TNNI3K: variants seen among roughly 807,000 people sequenced by gnomAD.
TNNI3K encodes serine/threonine-protein kinase TNNI3K.
In TNNI3K, 140 loss-of-function variants were observed where a neutral mutation model predicts 114.5. The ratio of observed to expected loss-of-function variants is 1.22; its 90% confidence interval spans 1.07 to 1.41. The LOEUF is 1.41. Among genes scored for constraint, TNNI3K ranks in the 40% most tolerant of loss-of-function variants. The probability of loss-of-function intolerance (pLI) is 0.00; values close to 1 mark genes in which losing one functional copy is unlikely to be tolerated. For missense variants in TNNI3K, 1,125 were observed against 1,007.6 expected, an observed-to-expected ratio of 1.12 and a Z score of -1.58; for synonymous variants, 347 against 347.5, an observed-to-expected ratio of 1.00 and a Z score of 0.02.
Position 74,250,709 on chromosome 1 carries a change from G to T in TNNI3K, c.273G>T (p.Gly91=), listed in dbSNP as rs201919149. The part of the protein sequence containing the change: ...KSHIRTLMLK[G]LRPSRLTRNG... Reference sequence around the variant, plus strand: ...ATATTCGAACTCTTATGTTGAAAGGGCTCCGCCCATCTCGACTGACAAGAA... The same window carrying T: ...ATATTCGAACTCTTATGTTGAAAGGTCTCCGCCCATCTCGACTGACAAGAA... The change falls in exon 4 of 25, where the codon GGG becomes GGT. Residue 91 remains glycine, a synonymous_variant. Transcript: ENST00000326637. 6.2e-7 allele frequency: 1 copy of T among 1,613,110 alleles called. No individual in the cohort carries two copies. Among genetic ancestry groups the T allele is most frequent in the South Asian group, 1.1e-5 (1 of 90,884 alleles).
chr1:74,418,158 T>C (rs1247114896), intron 17 of TNNI3K: 2 of 452,946 alleles, frequency 4.4e-6, no homozygotes, highest in Non-Finnish European at 8.9e-6. Context: ...CTTTTCACCC[T>C]CTCCTATAGG....
chr1:74,518,563 T>C (rs1570732535), intron 23 of TNNI3K, among the ~76,000 whole-genome samples: 1 of 152,278 alleles, frequency 6.6e-6, no homozygotes, highest in East Asian at 1.9e-4. Flanking sequence ...TCTCAGTGGA[T>C]TCTACTAATC....
At chr1:74,336,511 C>G (rs1466936771) in intron 7 of TNNI3K, among the ~76,000 whole-genome samples, 1 of 138,516 alleles carries the variant, frequency 7.2e-6, no homozygotes, top group Non-Finnish European at 1.6e-5. Flanking sequence ...TCCCCCCATG[C>G]CACAACAGTC....
chr1:74,468,733 T>C (rs1286642144), intron 21 of TNNI3K, among the ~76,000 whole-genome samples: 1 of 152,166 alleles, frequency 6.6e-6, no homozygotes, highest in Non-Finnish European at 1.5e-5. Context: ...TGTATAGACC[T>C]AGACAGGTGT....
intron 9 of TNNI3K, among the ~76,000 whole-genome samples, chr1:74,348,592 A>G (rs1661151792): frequency 6.6e-6 from 1 of 152,174 alleles, no homozygotes; most frequent in Non-Finnish European, 1.5e-5. Context: ...CTTGGGCAGT[A>G]TGGCCATTTT....
At chr1:74,419,676 A>G (rs1041100007) in intron 17 of TNNI3K, among the ~76,000 whole-genome samples, 1 of 152,136 alleles carries the variant, frequency 6.6e-6, no homozygotes, top group Non-Finnish European at 1.5e-5. Flanking sequence ...TATTCAGCAT[A>G]TATATGAAAT....
intron 9 of TNNI3K, among the ~76,000 whole-genome samples, chr1:74,352,444 A>C (rs1254583745): frequency 6.7e-6 from 1 of 149,814 alleles, no homozygotes; most frequent in Non-Finnish European, 1.5e-5. Context: ...CAGTCTGCCC[A>C]TTCTCAGATC....
chr1:74,489,817 T>C (rs1268438907), intron 22 of TNNI3K, among the ~76,000 whole-genome samples: 8 of 152,126 alleles, frequency 5.3e-5, no homozygotes. Context: ...GGTCAAGAGA[T>C]AGCATTTCAA....
chr1:74,383,699 G>T (rs865869108), intron 17 of TNNI3K, among the ~76,000 whole-genome samples: 1 of 151,910 alleles, frequency 6.6e-6, no homozygotes, highest in African/African-American at 2.4e-5. Context: ...AATGACTGGG[G>T]CCTAATAAAA....
At chr1:74,347,997 T>C (rs1210139260) in intron 9 of TNNI3K, among the ~76,000 whole-genome samples, 1 of 152,232 alleles carries the variant, frequency 6.6e-6, no homozygotes, top group African/African-American at 2.4e-5. Flanking sequence ...AGTTCTTTAG[T>C]TTAATTAGAT....
At chr1:74,386,260 A>G (rs1168379549) in intron 17 of TNNI3K, among the ~76,000 whole-genome samples, 3 of 152,136 alleles carry the variant, frequency 2.0e-5, no homozygotes, top group African/African-American at 4.8e-5. Context: ...CTAATACATC[A>G]TCAAACAACT....
At chr1:74,417,682 TTGTGTGTGTGTGTGTGTGTGTGTGTG>T (rs10529693) in intron 17 of TNNI3K, among the ~76,000 whole-genome samples, 2 of 137,022 alleles carry the variant, frequency 1.5e-5, no homozygotes, top group South Asian at 2.4e-4. Flanking sequence ...GTGTACGTGT[TTGTGTGTGTGTGTGTGTGTGTGTGTG>T]TGTGTGTGTG....
At chr1:74,477,769 T>C (rs1447085151) in intron 21 of TNNI3K, among the ~76,000 whole-genome samples, 1 of 152,212 alleles carries the variant, frequency 6.6e-6, no homozygotes, top group Non-Finnish European at 1.5e-5. Flanking sequence ...ATGAAGCTTG[T>C]AGGCAGGCGG....
At chr1:74,242,010 T>G (rs112558167) in intron 2 of TNNI3K, among the ~76,000 whole-genome samples, 9 of 151,952 alleles carry the variant, frequency 5.9e-5, no homozygotes, top group African/African-American at 2.2e-4. Context: ...CCACCACACC[T>G]GGCTAATTTT....
At chr1:74,526,639 G>A (rs959343568) in intron 23 of TNNI3K, among the ~76,000 whole-genome samples, 2 of 152,096 alleles carry the variant, frequency 1.3e-5, no homozygotes, top group East Asian at 3.9e-4. Context: ...AATATAAATT[G>A]GATATTTTTT....
chr1:74,326,836 A>G (rs1488799427), intron 5 of TNNI3K, among the ~76,000 whole-genome samples: 1 of 152,172 alleles, frequency 6.6e-6, no homozygotes, highest in African/African-American at 2.4e-5. Flanking sequence ...CATGCCTGTA[A>G]TCCCAGTACT....
chr1:74,443,539 C>T (rs375549308), intron 20 of TNNI3K, among the ~76,000 whole-genome samples: 4 of 151,910 alleles, frequency 2.6e-5, no homozygotes, highest in African/African-American at 9.7e-5. Flanking sequence ...CAAAAAAAAG[C>T]CCAGGACCAG....
intron 21 of TNNI3K, among the ~76,000 whole-genome samples, chr1:74,466,689 A>G (rs1315321763): frequency 6.6e-6 from 1 of 152,174 alleles, no homozygotes; most frequent in African/African-American, 2.4e-5. Context: ...AGGATAATGA[A>G]GTTGAGCTGC....
chr1:74,475,148 A>C (rs1458569479), intron 21 of TNNI3K: 4 of 549,096 alleles, frequency 7.3e-6, no homozygotes, highest in Non-Finnish European at 9.6e-6. Flanking sequence ...ACACACACAC[A>C]CACACACACA....
Sources: gnomAD v4.1 joint callset for allele counts (sites outside exome capture counted in the v4.1 genomes callset) on GRCh38, gnomAD v4.1.1 for gene constraint, MANE v1.5 for transcripts, NCBI Gene and HGNC (gene_info 2026-07-23, HGNC 2026-07-21) for gene names.